Variants in GRIP1 observed in about 807,000 individuals in gnomAD.
GRIP1 encodes the protein glutamate receptor interacting protein 1, also known as glutamate receptor-interacting protein 1.
A neutral mutation model predicts 129.9 loss-of-function variants in GRIP1; 45 were observed. The observed-to-expected ratio is 0.35, with a 90% CI of 0.27 to 0.44. The LOEUF is 0.44. Ranked by LOEUF, GRIP1 falls within the 20% of genes least tolerant of loss-of-function variation. The pLI is 1.00. For missense variants in GRIP1, 1,196 were observed against 1,396.8 expected (o/e 0.86, Z 2.29); for synonymous variants, 530 against 520.8 (o/e 1.02, Z -0.24).
At chr12:66,849,021 C>T (rs2039865997) in intron 1 of GRIP1, among the ~76,000 whole-genome samples, 1 of 152,246 alleles carries the variant, frequency 6.6e-6, no homozygotes, top group South Asian at 2.1e-4. Flanking sequence ...AACTGTACTC[C>T]ATCCTGCATA....
intron 1 of GRIP1, among the ~76,000 whole-genome samples, chr12:66,661,767 T>C (rs1162291749): frequency 6.6e-6 from 1 of 152,178 alleles, no homozygotes; most frequent in Non-Finnish European, 1.5e-5. Flanking sequence ...CTCAAGCCTG[T>C]ACAATGGCCA....
intron 1 of GRIP1, among the ~76,000 whole-genome samples, chr12:67,051,723 G>A (rs1283817055): frequency 5.3e-5 from 8 of 152,176 alleles, no homozygotes; most frequent in Admixed American, 1.3e-4. Flanking sequence ...CTGGCAAAAC[G>A]CATCCCGTCA....
chr12:66,679,444 CAAAA>C (rs10691128), upstream of GRIP1, among the ~76,000 whole-genome samples: 630 of 117,426 alleles, frequency 5.4e-3, 4 homozygotes, highest in African/African-American at 0.019. Context: ...AAACAACAAC[CAAAA>C]AAAAAAAAAA....
chr12:66,956,805 C>G (rs1031527888), intron 1 of GRIP1, among the ~76,000 whole-genome samples: 3 of 152,128 alleles, frequency 2.0e-5, no homozygotes, highest in Non-Finnish European at 4.4e-5. Flanking sequence ...TGCATCAAGG[C>G]CCCCTCGGCA....
At chr12:66,421,353 G>T (rs1186882455) in intron 14 of GRIP1, among the ~76,000 whole-genome samples, 1 of 152,144 alleles carries the variant, frequency 6.6e-6, no homozygotes, top group Non-Finnish European at 1.5e-5. Flanking sequence ...ACATCAGCTT[G>T]ACCAACATGG....
chr12:66,430,915 C>T (rs2058128450), intron 14 of GRIP1, among the ~76,000 whole-genome samples: 1 of 152,040 alleles, frequency 6.6e-6, no homozygotes. Context: ...GCATGGTGGA[C>T]ACTCAGAATG....
chr12:66,614,780 T>C (rs2064966878), intron 1 of GRIP1, among the ~76,000 whole-genome samples: 1 of 152,144 alleles, frequency 6.6e-6, no homozygotes, highest in East Asian at 1.9e-4. Context: ...CTTGTATCTT[T>C]CTCCTCTTCA....
rs149355556 is a variant in GRIP1, at chr12:66,865,268, T to C, written c.58+203782A>G. 1.7e-3 allele frequency among the ~76,000 whole-genome samples: 265 copies of C among 152,286 alleles called. 2 individuals carry two copies. The highest frequency in any genetic ancestry group is 5.2e-3 in the African/African-American group (215 of 41,572). On this transcript the variant is annotated intron_variant, in intron 1 of 1. Coordinates refer to the GRIP1 transcript ENST00000643019. The stretch of plus-strand genomic sequence containing the variant: ...CAGAAACAGAGTTGGCTGTATATTC[T>C]TAAGTATTTGTATCTTTGGACTAAA...
chr12:66,610,062 C>T (rs1375962483), intron 1 of GRIP1, among the ~76,000 whole-genome samples: 2 of 152,094 alleles, frequency 1.3e-5, no homozygotes, highest in African/African-American at 2.4e-5. Context: ...AAGGCCTTAA[C>T]TGAACCCCAT....
At chr12:66,412,506 C>G (rs1235753640) in intron 15 of GRIP1, among the ~76,000 whole-genome samples, 1 of 152,146 alleles carries the variant, frequency 6.6e-6, no homozygotes, top group Admixed American at 6.5e-5. Flanking sequence ...AAGGAAAAAC[C>G]ATTACCAGCT....
chr12:66,406,844 A>G (rs1399318792), intron 15 of GRIP1, among the ~76,000 whole-genome samples: 4 of 152,144 alleles, frequency 2.6e-5, no homozygotes, highest in Non-Finnish European at 5.9e-5. Flanking sequence ...GGTGTAATAG[A>G]GTTAGTGGAA....
At chr12:66,910,324 A>C (rs1444904806) in intron 1 of GRIP1, among the ~76,000 whole-genome samples, 1 of 152,196 alleles carries the variant, frequency 6.6e-6, no homozygotes, top group Admixed American at 6.5e-5. Flanking sequence ...TTCAGAGATG[A>C]GCCTTCCCTT....
At chr12:66,756,710 C>A (rs2037301336) in intron 1 of GRIP1, among the ~76,000 whole-genome samples, 1 of 152,090 alleles carries the variant, frequency 6.6e-6, no homozygotes, top group Admixed American at 6.6e-5. Flanking sequence ...TTTAATCCTG[C>A]CTGCAATGAG....
intron 2 of GRIP1, among the ~76,000 whole-genome samples, chr12:66,594,121 C>A (rs547228417): frequency 6.7e-6 from 1 of 150,138 alleles, no homozygotes; most frequent in South Asian, 2.1e-4. Context: ...TTTGCTTACT[C>A]CCCAGCAGCT....
chr12:66,354,952 GT>G (rs1420975621), intron 23 of GRIP1, among the ~76,000 whole-genome samples: 10 of 152,130 alleles, frequency 6.6e-5, no homozygotes, highest in Non-Finnish European at 2.9e-5. Context: ...TTTCACTGGG[GT>G]TATGTACCCG....
chr12:66,984,132 CTG>C (rs1213882849), intron 1 of GRIP1, among the ~76,000 whole-genome samples: 4 of 152,174 alleles, frequency 2.6e-5, no homozygotes, highest in African/African-American at 9.7e-5. Context: ...TACTTAAAGA[CTG>C]TATTTCAAGA....
chr12:66,936,883 C>A (rs2041494665), intron 1 of GRIP1, among the ~76,000 whole-genome samples: 1 of 152,302 alleles, frequency 6.6e-6, no homozygotes, highest in Admixed American at 6.5e-5. Context: ...AGGGTCAAAC[C>A]TCCCATTTTA....
chr12:66,401,609 T>TATATATATATATATATATATATACAC (rs1169241331), intron 16 of GRIP1, among the ~76,000 whole-genome samples: 7 of 110,174 alleles, frequency 6.4e-5, no homozygotes, highest in African/African-American at 2.6e-4. Flanking sequence ...TATATATATA[T>TATATATATATATATATATATATACAC]ACACACACAC....
chr12:66,893,109 C>T (rs1331587608), intron 1 of GRIP1, among the ~76,000 whole-genome samples: 1 of 152,158 alleles, frequency 6.6e-6, no homozygotes, highest in Non-Finnish European at 1.5e-5. Context: ...ATCTGTTCTC[C>T]ATCACTATGA....
Sources: allele counts gnomAD v4.1 joint callset (sites outside exome capture counted in the v4.1 genomes callset), GRCh38; gene constraint gnomAD v4.1.1; transcripts MANE v1.5; gene names NCBI Gene and HGNC (gene_info 2026-07-23, HGNC 2026-07-21).